ABCC4: variants seen among roughly 807,000 people sequenced by gnomAD.
ABCC4 encodes the protein ATP-binding cassette sub-family C member 4.
In ABCC4, 102 loss-of-function variants were observed where a neutral mutation model predicts 168.5. The observed-to-expected ratio is 0.61, with a 90% CI of 0.52 to 0.71. The LOEUF (loss-of-function observed/expected upper bound fraction) is 0.71, where lower values mean the gene tolerates loss of function less well. ABCC4 is among the 30% of genes least tolerant of loss of function. The pLI, the probability that ABCC4 is intolerant of heterozygous loss-of-function variation, is 0.00. For synonymous variants in ABCC4, 617 were observed against 590.7 expected (o/e 1.04, Z -0.65); for missense variants, 1,402 against 1,605.8 (o/e 0.87, Z 2.17).
At chr13:95,186,661 T>C (rs370412493) in intron 11 of ABCC4, 40 bp downstream of exon 11, 7 of 1,575,166 alleles carry the variant, frequency 4.4e-6, no homozygotes, top group South Asian at 3.4e-5. Flanking sequence ...CTAGTATTAC[T>C]GGACATTCGA....
chr13:95,105,444 T>G (rs529490308), intron 20 of ABCC4, among the ~76,000 whole-genome samples: 1 of 152,236 alleles, frequency 6.6e-6, no homozygotes, highest in Non-Finnish European at 1.5e-5. Context: ...AGAGCACTAA[T>G]TAGCAAGAAA....
intron 8 of ABCC4, among the ~76,000 whole-genome samples, chr13:95,195,249 A>G (rs942268444): frequency 6.6e-6 from 1 of 152,182 alleles, no homozygotes; most frequent in Non-Finnish European, 1.5e-5. Context: ...CAGCCTGCAT[A>G]GTTCTACTGT....
intron 29 of ABCC4, among the ~76,000 whole-genome samples, chr13:95,036,091 A>G (rs968805383): frequency 1.3e-5 from 2 of 152,352 alleles, no homozygotes; most frequent in African/African-American, 4.8e-5. Flanking sequence ...GCCAATTTAG[A>G]TACCCCAAAT....
intron 20 of ABCC4, among the ~76,000 whole-genome samples, chr13:95,110,043 G>T (rs1038886187): frequency 6.6e-6 from 1 of 152,110 alleles, no homozygotes; most frequent in Non-Finnish European, 1.5e-5. Flanking sequence ...GCGTGATGGC[G>T]CACGCCTGTA....
chr13:95,214,516 A>G (rs2039055206), intron 4 of ABCC4, among the ~76,000 whole-genome samples: 1 of 152,168 alleles, frequency 6.6e-6, no homozygotes, highest in African/African-American at 2.4e-5. Flanking sequence ...AACAACAAAA[A>G]CAAGCAGAAG....
At chr13:95,229,345 A>G (rs988002851) in intron 4 of ABCC4, among the ~76,000 whole-genome samples, 6 of 152,190 alleles carry the variant, frequency 3.9e-5, no homozygotes, top group Non-Finnish European at 8.8e-5. Flanking sequence ...TTTACCTCAA[A>G]CTATCCTTCA....
At chr13:95,079,633 G>A (rs1239258417) in intron 21 of ABCC4, among the ~76,000 whole-genome samples, 1 of 152,134 alleles carries the variant, frequency 6.6e-6, no homozygotes, top group African/African-American at 2.4e-5. Flanking sequence ...TCAGGAGTTC[G>A]AGACCAGCCT....
chr13:95,114,199 T>C (rs1029636742), intron 20 of ABCC4, among the ~76,000 whole-genome samples: 5 of 152,308 alleles, frequency 3.3e-5, no homozygotes, highest in Non-Finnish European at 7.4e-5. Context: ...TCTGGTTAAA[T>C]AGAAGTACAA....
At chr13:95,088,169 G>A (rs1594075421) in intron 20 of ABCC4, among the ~76,000 whole-genome samples, 1 of 152,168 alleles carries the variant, frequency 6.6e-6, no homozygotes, top group East Asian at 1.9e-4. Flanking sequence ...TTTGTGGTCA[G>A]CATATCTCAC....
At chr13:95,170,875 T>C (rs2037446967) in intron 13 of ABCC4, among the ~76,000 whole-genome samples, 2 of 152,074 alleles carry the variant, frequency 1.3e-5, no homozygotes, top group Non-Finnish European at 2.9e-5. Context: ...AGTGTAATTT[T>C]TTTTCCTAAA....
At chr13:95,151,974 G>C (rs16950677) in intron 19 of ABCC4, among the ~76,000 whole-genome samples, 1,973 of 152,210 alleles carry the variant, frequency 0.013, 43 homozygotes, top group African/African-American at 0.043. Flanking sequence ...CTTCTTAAGG[G>C]CATGAAGTTT....
chr13:95,073,058 T>G, intron 24 of ABCC4, 146 bp downstream of exon 24: 1 of 588,666 alleles, frequency 1.7e-6, no homozygotes, highest in Non-Finnish European at 2.9e-6. Context: ...TTACATTAAC[T>G]TTAAACAGAT....
At chr13:95,047,633 C>A (rs1184633031) in intron 27 of ABCC4, among the ~76,000 whole-genome samples, 1 of 151,944 alleles carries the variant, frequency 6.6e-6, no homozygotes, top group Non-Finnish European at 1.5e-5. Flanking sequence ...GTGCATACCA[C>A]CACACCTGGC....
chr13:95,234,025 A>G (rs2039693745), intron 4 of ABCC4, among the ~76,000 whole-genome samples: 1 of 152,220 alleles, frequency 6.6e-6, no homozygotes, highest in African/African-American at 2.4e-5. Flanking sequence ...TTCCATTTAC[A>G]TTTTTCTTCA....
chr13:95,100,312 T>C (rs2034751960), intron 20 of ABCC4, among the ~76,000 whole-genome samples: 1 of 152,164 alleles, frequency 6.6e-6, no homozygotes, highest in African/African-American at 2.4e-5. Flanking sequence ...ACTACAAACA[T>C]TATCATTGGA....
intron 4 of ABCC4, among the ~76,000 whole-genome samples, chr13:95,212,441 A>T (rs553977798): frequency 1.3e-5 from 2 of 152,320 alleles, no homozygotes; most frequent in African/African-American, 2.4e-5. Flanking sequence ...ACCTAATTTT[A>T]AAAAAATAAA....
At chr13:95,134,346 CGG>C (rs2036072011) in intron 19 of ABCC4, among the ~76,000 whole-genome samples, 1 of 152,044 alleles carries the variant, frequency 6.6e-6, no homozygotes, top group Non-Finnish European at 1.5e-5. Context: ...AAATACATAA[CGG>C]GATCAAGGGA....
intron 26 of ABCC4, chr13:95,054,021 CTTTTTT>C (rs55980425): frequency 9.8e-5 from 7 of 71,620 alleles, no homozygotes; most frequent in Non-Finnish European, 9.0e-5. Flanking sequence ...ATGGGACATC[CTTTTTT>C]TTTTTTTTTT....
At chr13:95,240,946 G>C (rs1275151614) in intron 3 of ABCC4, among the ~76,000 whole-genome samples, 3 of 151,172 alleles carry the variant, frequency 2.0e-5, no homozygotes, top group Non-Finnish European at 4.5e-5. Context: ...ACTCTAACCT[G>C]GGTGACAGAG....
Sources: allele counts gnomAD v4.1 joint callset (sites outside exome capture counted in the v4.1 genomes callset), GRCh38; gene constraint gnomAD v4.1.1; transcripts MANE v1.5; gene names NCBI Gene and HGNC (gene_info 2026-07-23, HGNC 2026-07-21).